SLC38A12: variants seen among roughly 807,000 people sequenced by gnomAD.
The protein encoded by SLC38A12 is putative sodium-coupled neutral amino acid transporter 12.
At chr17:74,777,986 G>T in the SLC38A12 span, among the ~76,000 whole-genome samples, 3 of 152,226 alleles carry the variant, frequency 2.0e-5, no homozygotes, top group African/African-American at 7.2e-5. Context: ...GATGAACAGT[G>T]ATTGACAGCT....
the SLC38A12 span, among the ~76,000 whole-genome samples, chr17:74,781,748 G>C: frequency 6.6e-6 from 1 of 152,258 alleles, no homozygotes; most frequent in East Asian, 1.9e-4. Flanking sequence ...TTTCCGCTGG[G>C]GTCTGTTCTG....
the SLC38A12 span, among the ~76,000 whole-genome samples, chr17:74,784,062 G>T: frequency 6.6e-6 from 1 of 151,204 alleles, no homozygotes; most frequent in Admixed American, 6.6e-5. Flanking sequence ...CAAAATTGAT[G>T]GAGTCTGGGA....
At chr17:74,794,803 G>A in the SLC38A12 span, among the ~76,000 whole-genome samples, 9 of 152,230 alleles carry the variant, frequency 5.9e-5, no homozygotes, top group East Asian at 1.9e-4. Context: ...GTCATGAGCC[G>A]ATCTGTCTCT....
At chr17:74,816,617 G>A in the SLC38A12 span, among the ~76,000 whole-genome samples, 46 of 152,266 alleles carry the variant, frequency 3.0e-4, no homozygotes, top group African/African-American at 6.0e-4. Context: ...GGTCCGTCCC[G>A]GACTTTATTC....
At chr17:74,833,229 G>A in the SLC38A12 span, among the ~76,000 whole-genome samples, 3 of 152,236 alleles carry the variant, frequency 2.0e-5, no homozygotes, top group African/African-American at 7.2e-5. Context: ...TTGCCAGGCT[G>A]GTCTCAAACT....
the SLC38A12 span, chr17:74,785,765 G>A: frequency 1.0e-6 from 1 of 961,514 alleles, no homozygotes; most frequent in Non-Finnish European, 1.5e-6. Context: ...AGGGGAAAGT[G>A]GTCACAGAGG....
chr17:74,814,050 G>C, the SLC38A12 span, among the ~76,000 whole-genome samples: 2 of 152,148 alleles, frequency 1.3e-5, no homozygotes, highest in Non-Finnish European at 2.9e-5. Context: ...TGACTCCACT[G>C]TCTCCAGAAA....
the SLC38A12 span, among the ~76,000 whole-genome samples, chr17:74,830,899 T>G: frequency 1.3e-5 from 2 of 152,168 alleles, no homozygotes; most frequent in Admixed American, 6.5e-5. Flanking sequence ...GGAGCTGAGA[T>G]CCACTATCAG....
chr17:74,822,885 C>T, the SLC38A12 span, among the ~76,000 whole-genome samples: 10 of 152,308 alleles, frequency 6.6e-5, no homozygotes, highest in Middle Eastern at 3.4e-3. Context: ...GGAGGTCCCC[C>T]TGGAGCCACC....
At chr17:74,794,681 C>T in the SLC38A12 span, among the ~76,000 whole-genome samples, 1 of 152,050 alleles carries the variant, frequency 6.6e-6, no homozygotes, top group African/African-American at 2.4e-5. Flanking sequence ...CTCGGGACAT[C>T]TCTCCTCCCT....
At chr17:74,835,846 G>A in the SLC38A12 span, 160 of 1,511,394 alleles carry the variant, frequency 1.1e-4, no homozygotes, top group Middle Eastern at 2.3e-3. Flanking sequence ...TCTAGTCCCC[G>A]CAAAGGCGCC....
chr17:74,795,659 TGCCCCA>T, the SLC38A12 span: 1 of 1,583,878 alleles, frequency 6.3e-7, no homozygotes, highest in Non-Finnish European at 8.7e-7. Context: ...CTGTGCCGCC[TGCCCCA>T]GCCCAGCCTG....
chr17:74,799,513 A>G, the SLC38A12 span, among the ~76,000 whole-genome samples: 3 of 152,200 alleles, frequency 2.0e-5, no homozygotes, highest in Non-Finnish European at 4.4e-5. Flanking sequence ...GTGCCTGGCC[A>G]GTGCCCTGCC....
chr17:74,793,323 T>G, the SLC38A12 span, among the ~76,000 whole-genome samples: 2 of 152,154 alleles, frequency 1.3e-5, no homozygotes, highest in African/African-American at 4.8e-5. Context: ...CAGTCAAAAC[T>G]GTCCTCAGAC....
chr17:74,794,969 C>G, the SLC38A12 span: 1 of 1,493,550 alleles, frequency 6.7e-7, no homozygotes, highest in Non-Finnish European at 9.3e-7. Context: ...AACATGCAGA[C>G]ATCTCTTTGT....
the SLC38A12 span, among the ~76,000 whole-genome samples, chr17:74,790,475 T>A: frequency 2.0e-5 from 3 of 152,202 alleles, no homozygotes; most frequent in Admixed American, 1.3e-4. Flanking sequence ...GGCACAGGCC[T>A]GGCCCCTGCT....
the SLC38A12 span, among the ~76,000 whole-genome samples, chr17:74,810,160 A>T: frequency 6.6e-6 from 1 of 152,206 alleles, no homozygotes; most frequent in African/African-American, 2.4e-5. Flanking sequence ...ACGCATTCAG[A>T]ACGAGGCTGC....
the SLC38A12 span, among the ~76,000 whole-genome samples, chr17:74,783,660 CCTT>C: frequency 6.6e-6 from 1 of 152,052 alleles, no homozygotes; most frequent in Admixed American, 6.5e-5. Context: ...CCCAGCCCCT[CCTT>C]CTCCCAGCCA....
the SLC38A12 span, among the ~76,000 whole-genome samples, chr17:74,833,872 C>T: frequency 1.3e-5 from 2 of 152,158 alleles, no homozygotes; most frequent in African/African-American, 4.8e-5. Flanking sequence ...ACCCTTGTGC[C>T]CCACTTATGG....
Sources: allele counts gnomAD v4.1 joint callset (sites outside exome capture counted in the v4.1 genomes callset), GRCh38; gene constraint gnomAD v4.1.1; transcripts MANE v1.5; gene names NCBI Gene and HGNC (gene_info 2026-07-23, HGNC 2026-07-21).